CERS6: variants seen among roughly 807,000 people sequenced by gnomAD.
The protein encoded by CERS6 is LAG1 homolog, ceramide synthase 6.
In CERS6, 26 loss-of-function variants were observed where a neutral mutation model predicts 56.8. That is an observed-to-expected ratio of 0.46 (90% CI 0.34 to 0.63). The LOEUF is 0.63. Ranked by LOEUF, CERS6 falls within the 30% of genes least tolerant of loss-of-function variation. The pLI is 0.01. For synonymous variants in CERS6, 164 were observed against 173.3 expected (o/e 0.95, Z 0.42); for missense variants, 415 against 467.5 (o/e 0.89, Z 1.04).
At chr2:168,561,471 T>A in intron 3 of CERS6, 149 bp downstream of exon 3, 2 of 802,274 alleles carry the variant, frequency 2.5e-6, no homozygotes, top group Non-Finnish European at 3.8e-6. Flanking sequence ...CAGGAAACAG[T>A]AGTTTGTAAG....
chr2:168,609,029 C>T (rs1353146823), intron 3 of CERS6, among the ~76,000 whole-genome samples: 6 of 152,234 alleles, frequency 3.9e-5, no homozygotes. Flanking sequence ...AATGCTAGAG[C>T]TCTAGGCAGT....
intron 1 of CERS6, among the ~76,000 whole-genome samples, chr2:168,499,175 A>C (rs1222365134): frequency 6.6e-6 from 1 of 152,216 alleles, no homozygotes; most frequent in East Asian, 1.9e-4. Context: ...ACTTAGAGCC[A>C]AAAGACCTAC....
At chr2:168,757,358 A>G (rs1320720534) in intron 8 of CERS6, among the ~76,000 whole-genome samples, 2 of 127,126 alleles carry the variant, frequency 1.6e-5, no homozygotes, top group Non-Finnish European at 1.7e-5. Flanking sequence ...CTTTTGGAGG[A>G]AAAAAAAAAA....
chr2:168,637,489 A>C (rs554557110), intron 4 of CERS6, among the ~76,000 whole-genome samples: 289 of 152,318 alleles, frequency 1.9e-3, no homozygotes, highest in Non-Finnish European at 3.2e-3. Context: ...TCTAAAAAAA[A>C]AGAAAAAATT....
intron 2 of CERS6, among the ~76,000 whole-genome samples, chr2:168,553,628 T>A (rs1695616784): frequency 6.6e-6 from 1 of 152,222 alleles, no homozygotes. Flanking sequence ...ATGTTAGACA[T>A]CTTTGAACAT....
chr2:168,672,076 T>C (rs1341980366), intron 4 of CERS6, among the ~76,000 whole-genome samples: 1 of 152,230 alleles, frequency 6.6e-6, no homozygotes, highest in African/African-American at 2.4e-5. Context: ...GTTGTTTCAG[T>C]TGGAGTGAGT....
At position 168,489,989 on chromosome 2, in the gene CERS6, A is replaced by C. The variant is rs138426421; in HGVS notation, c.170+33371A>C. On this transcript the variant is annotated intron_variant, in intron 1 of 9. Transcript: ENST00000305747. ...TTGATCTTTTAAAATTTCTTTTAGCAGGCAATAAACCCAGCTAGATTCAGG... is the reference window on the plus strand; with the variant it reads ...TTGATCTTTTAAAATTTCTTTTAGCCGGCAATAAACCCAGCTAGATTCAGG... Among the ~76,000 whole-genome samples the C allele has an allele frequency of 3.2e-4, 48 of 152,306 alleles. No individual in the cohort carries two copies. The East Asian group carries it at 8.3e-3, about 26-fold the overall frequency.
intron 8 of CERS6, among the ~76,000 whole-genome samples, chr2:168,762,476 A>T (rs113545811): frequency 4.6e-5 from 7 of 152,336 alleles, no homozygotes; most frequent in African/African-American, 1.4e-4. Context: ...TACAAAAATC[A>T]TACTAAGTCC....
intron 7 of CERS6, among the ~76,000 whole-genome samples, chr2:168,715,994 A>G (rs1488485042): frequency 2.0e-5 from 3 of 152,022 alleles, no homozygotes; most frequent in Non-Finnish European, 4.4e-5. Context: ...AGCATTTACT[A>G]TACTGTGAAT....
At chr2:168,663,701 A>G (rs1206372204) in intron 4 of CERS6, among the ~76,000 whole-genome samples, 2 of 152,164 alleles carry the variant, frequency 1.3e-5, no homozygotes, top group Admixed American at 6.5e-5. Context: ...ATATTTTTCA[A>G]CAGTTACATA....
rs115576623 is a variant in CERS6 at position 168,669,385 on chromosome 2, T to G, written c.466-21649T>G. Among the ~76,000 whole-genome samples, 1,088 of 152,302 alleles carry G rather than the reference T, an allele frequency of 7.1e-3. 16 individuals are homozygous for G. Among genetic ancestry groups the G allele is most frequent in the African/African-American group, 0.025 (1,028 of 41,562 alleles). Reference sequence around the variant, plus strand: ...CCATTTTCACTTCATAGACCAGAACTGAGTCACAGGGCCCTATCTAACTGC... The same window carrying G: ...CCATTTTCACTTCATAGACCAGAACGGAGTCACAGGGCCCTATCTAACTGC... On this transcript the variant is annotated intron_variant, in intron 4 of 9. Transcript: ENST00000305747.
chr2:168,535,613 A>G (rs1368466005), intron 1 of CERS6, among the ~76,000 whole-genome samples: 4 of 148,664 alleles, frequency 2.7e-5, no homozygotes, highest in Non-Finnish European at 5.9e-5. Context: ...GGAGCCTCAG[A>G]TCGCCACTGT....
chr2:168,724,070 G>T (rs1043667357), intron 8 of CERS6, among the ~76,000 whole-genome samples: 3 of 152,188 alleles, frequency 2.0e-5, no homozygotes, highest in Admixed American at 2.0e-4. Context: ...GACCCTTGCG[G>T]TGAGTGTTAC....
chr2:168,667,539 T>A (rs985618990), intron 4 of CERS6, among the ~76,000 whole-genome samples: 1 of 151,576 alleles, frequency 6.6e-6, no homozygotes, highest in Non-Finnish European at 1.5e-5. Flanking sequence ...TTTTCTTATA[T>A]AAAGCTCTCT....
At chr2:168,540,927 A>G (rs1695356440) in intron 1 of CERS6, among the ~76,000 whole-genome samples, 1 of 152,060 alleles carries the variant, frequency 6.6e-6, no homozygotes, top group African/African-American at 2.4e-5. Context: ...GCTCCAAAGG[A>G]ATATCTGATG....
chr2:168,585,449 A>G (rs993974034), intron 3 of CERS6, among the ~76,000 whole-genome samples: 4 of 152,246 alleles, frequency 2.6e-5, no homozygotes, highest in African/African-American at 9.6e-5. Flanking sequence ...TGCTCAGGCT[A>G]CGAAGTCAGA....
chr2:168,526,816 G>A (rs1416015372), intron 1 of CERS6, among the ~76,000 whole-genome samples: 3 of 152,198 alleles, frequency 2.0e-5, no homozygotes, highest in Admixed American at 6.5e-5. Context: ...TAAATGTCCT[G>A]GTCAGTTAGT....
chr2:168,724,673 G>A (rs1269967978), intron 8 of CERS6, among the ~76,000 whole-genome samples: 37 of 151,724 alleles, frequency 2.4e-4, no homozygotes, highest in African/African-American at 8.7e-4. Context: ...ACAGAGTGTC[G>A]ATTGGTGCAT....
intron 1 of CERS6, among the ~76,000 whole-genome samples, chr2:168,492,032 G>C (rs1185790603): frequency 6.6e-6 from 1 of 152,152 alleles, no homozygotes; most frequent in Non-Finnish European, 1.5e-5. Context: ...ATGGGCATTT[G>C]GGTTGGTTCC....
Sources: gnomAD v4.1 joint callset for allele counts (sites outside exome capture counted in the v4.1 genomes callset) on GRCh38, gnomAD v4.1.1 for gene constraint, MANE v1.5 for transcripts, NCBI Gene and HGNC (gene_info 2026-07-23, HGNC 2026-07-21) for gene names.